Variants in TCF3 observed in about 807,000 individuals in gnomAD.
TCF3 encodes transcription factor 3.
A neutral mutation model predicts 72.3 loss-of-function variants in TCF3; 54 were observed. The observed-to-expected ratio is 0.75, with a 90% confidence interval of 0.60 to 0.94. The LOEUF (loss-of-function observed/expected upper bound fraction) is 0.94. Ranked by LOEUF, TCF3 falls within the 40% of genes least tolerant of loss-of-function variation. The pLI, the probability that TCF3 is intolerant of heterozygous loss-of-function variation, is 0.00. For missense variants in TCF3, 1,078 were observed against 934.4 expected, an observed-to-expected ratio of 1.15 and a Z score of -2.00; for synonymous variants, 525 against 412.6, an observed-to-expected ratio of 1.27 and a Z score of -3.30.
intron 16 of TCF3, among the ~76,000 whole-genome samples, chr19:1,618,323 C>T (rs1038126804): frequency 7.9e-5 from 12 of 152,110 alleles, no homozygotes; most frequent in African/African-American, 2.7e-4. Context: ...AGCCCTGTGG[C>T]CTCTGCCTTG....
intron 4 of TCF3, 102 bp from the exon 5 acceptor site, chr19:1,632,218 A>C: frequency 6.5e-7 from 1 of 1,548,840 alleles, no homozygotes; most frequent in Non-Finnish European, 8.7e-7. Flanking sequence ...CATGTCCCCC[A>C]GTCCAAACCC....
chr19:1,619,874 G>T, intron 13 of TCF3, 21 bp from the exon 14 acceptor site: 1 of 1,562,618 alleles, frequency 6.4e-7, no homozygotes. Context: ...GTGGGGACGT[G>T]AATGGGGTGC....
At position 1,652,489 on chromosome 19, in the gene TCF3, C is replaced by G. The variant is rs1324154674; in HGVS notation, c.-229G>C. 31 of 144,246 alleles carry G rather than the reference C, an allele frequency of 2.1e-4. No homozygotes were observed. The highest frequency in any genetic ancestry group is 2.1e-3 in the Admixed American group (31 of 14,652). The allele number at this position is 144,246 out of a possible 1,614,324, so 8.9% of individuals were successfully genotyped here. On this transcript the variant is annotated 5_prime_UTR_variant, in exon 1 of 19. Transcript: ENST00000262965. Reference sequence around the variant, plus strand: ...GTCCCGCGGGGCCCGTGCGCGCGGCCGGCCGGGGCGCCCCTGGGGCAGCGG... The same window carrying G: ...GTCCCGCGGGGCCCGTGCGCGCGGCGGGCCGGGGCGCCCCTGGGGCAGCGG...
chr19:1,619,765 G>A lies in TCF3; in HGVS notation c.1167+15C>T, dbSNP rs377293503. ...CTGTCGGGGAAGGGTGGGGTGGGGCGGGGCAGGCACTCACCAGGCCGTGGA... is the reference window on the plus strand; with the variant it reads ...CTGTCGGGGAAGGGTGGGGTGGGGCAGGGCAGGCACTCACCAGGCCGTGGA... On this transcript the variant is annotated intron_variant, in intron 14 of 18. Transcript: ENST00000262965. 2.3e-4 allele frequency: 348 copies of A among 1,546,638 alleles called. 1 individual carries two copies. The African/African-American group carries it at 3.7e-3, about 17-fold the overall frequency.
intron 3 of TCF3, among the ~76,000 whole-genome samples, chr19:1,640,207 C>T (rs1228329520): frequency 3.3e-5 from 5 of 152,022 alleles, no homozygotes; most frequent in Middle Eastern, 3.4e-3. Flanking sequence ...ACTTTTGGCA[C>T]GGGTGGACAG....
In TCF3 at chr19:1,632,356, G is replaced by T. The variant is rs766095001; in HGVS notation, c.195C>A (p.Ser65Arg). 6.3e-7 allele frequency: 1 copy of T among 1,592,152 alleles called. No homozygotes were observed. The highest frequency in any genetic ancestry group is 2.3e-5 in the East Asian group (1 of 44,088). Residue 65 changes from serine (S) to arginine (R), a missense_variant, in exon 4 of 19, where the codon AGC becomes AGA. Ser to Arg is a moderately radical substitution (Grantham distance 110). Transcript: ENST00000262965. Reference protein sequence around the residue: ...SSGSWGSGDQSSSSFDPSRTF... With the variant: ...SSGSWGSGDQRSSSFDPSRTF... ...CCCGGCTGGGGTCAAAGGAGGAGCT[G>T]CTCTGGTCGCCGCTGCCCCAGGAGC...
rs748560717 is a variant in TCF3 at position 1,621,912 on chromosome 19, GAGA to G, written c.878_880del (p.Phe293del). 1.1e-5 allele frequency: 17 copies of G among 1,601,682 alleles called. No individual in the cohort carries two copies. Among genetic ancestry groups the G allele is most frequent in the African/African-American group, 2.7e-5 (2 of 74,754 alleles). On this transcript the variant is annotated inframe_deletion, in exon 11 of 19. Transcript: ENST00000262965. The stretch of plus-strand genomic sequence containing the variant: ...GCCGTACGTGGCTCCGGGGGCTGAG[GAGA>G]AGGAGGATGCAGATGGGAGCCCACC...
chr19:1,627,243 C>A, intron 6 of TCF3, 116 bp downstream of exon 6: 1 of 440,092 alleles, frequency 2.3e-6, no homozygotes. Context: ...CCTGGTTTCG[C>A]TATCAGGAAG....
At chr19:1,611,911 G>C (rs2061019469) in intron 18 of TCF3, 62 bp from the exon 19 acceptor site, 4 of 703,426 alleles carry the variant, frequency 5.7e-6, no homozygotes, top group African/African-American at 4.1e-5. Flanking sequence ...ATGTGAGGTG[G>C]GAGTGGGGGG....
At chr19:1,612,966 C>T (rs2061183781) in intron 18 of TCF3, among the ~76,000 whole-genome samples, 1 of 148,998 alleles carries the variant, frequency 6.7e-6, no homozygotes, top group Admixed American at 6.7e-5. Context: ...CTGGGCACAG[C>T]AATGTGGGTA....
intron 3 of TCF3, among the ~76,000 whole-genome samples, chr19:1,638,513 G>A (rs1014088475): frequency 3.3e-5 from 5 of 152,144 alleles, no homozygotes; most frequent in African/African-American, 1.2e-4. Context: ...TCGATCTCCT[G>A]ACCTCATGAT....
chr19:1,647,518 G>A lies in TCF3; in HGVS notation c.73-1091C>T, dbSNP rs140217020. ...TCCTGCAGAAGGGGAAACGGAGGCC[G>A]CATTCTCACCTGGCCCTGGAGAGGA... On this transcript the variant is annotated intron_variant, in intron 2 of 18. Coordinates refer to ENST00000262965, the MANE Select transcript of TCF3 (RefSeq NM_003200.5). 3.7e-3 allele frequency among the ~76,000 whole-genome samples: 564 copies of A among 152,300 alleles called. 3 individuals carry two copies. Among genetic ancestry groups the A allele is most frequent in the African/African-American group, 0.013 (530 of 41,560 alleles).
Position 1,615,961 on chromosome 19 carries a change from C to G in TCF3, c.1451-140G>C, listed in dbSNP as rs1378992052. 1 of 1,031,926 alleles carries G rather than the reference C, an allele frequency of 9.7e-7. No individual in the cohort carries two copies. Among genetic ancestry groups the G allele is most frequent in the Non-Finnish European group, 1.3e-6 (1 of 743,352 alleles). 63.9% of individuals were successfully genotyped at this position (1,031,926 alleles called of 1,614,324 possible). On this transcript the variant is annotated intron_variant, in intron 16 of 18. Coordinates refer to ENST00000262965, the MANE Select transcript of TCF3 (RefSeq NM_003200.5). The surrounding 1 kb of genome is among the most constrained non-coding windows in gnomAD (Gnocchi z 7.3). ...AAAAATAAAAACAAAAAACCAACAA[C>G]CAGAACTGGATCCCTACCTCACGCC...
At chr19:1,641,812 T>C (rs2065285244) in intron 3 of TCF3, among the ~76,000 whole-genome samples, 1 of 152,074 alleles carries the variant, frequency 6.6e-6, no homozygotes, top group Non-Finnish European at 1.5e-5. Context: ...AGGCTGGTCT[T>C]GAACTCCTGG....
chr19:1,619,302 C>T lies in TCF3; in HGVS notation c.1326+14G>A, dbSNP rs749788520. On this transcript the variant is annotated intron_variant, in intron 15 of 18. Coordinates refer to ENST00000262965, the MANE Select transcript of TCF3 (RefSeq NM_003200.5). ...CCCGCCCACTGCCCAGCTCCACCCT[C>T]GCCCAGCGCTCACCAGGCCTGCGTG... 1.1e-5 allele frequency: 18 copies of T among 1,567,420 alleles called. No individual in the cohort carries two copies. The highest frequency in any genetic ancestry group is 1.1e-4 in the Admixed American group (6 of 56,666).
Position 1,609,397 on chromosome 19 carries a change from G to A in TCF3, c.*2310C>T, listed in dbSNP as rs971993296. 9.7e-5 allele frequency: 20 copies of A among 206,600 alleles called. No individual in the cohort carries two copies. Among genetic ancestry groups the A allele is most frequent in the African/African-American group, 4.6e-4 (20 of 43,784 alleles). The allele number at this position is 206,600 out of a possible 1,614,324, so 12.8% of individuals were successfully genotyped here. ...TTTTAAAGTCCCAATCATCCAGCCA[G>A]CTGTGTTGACACGTATACAATTATT... On this transcript the variant is annotated 3_prime_UTR_variant, in exon 19 of 19. Coordinates refer to ENST00000262965, the MANE Select transcript of TCF3 (RefSeq NM_003200.5).
Position 1,615,698 on chromosome 19 carries a change from C to CG in TCF3, c.1573dup (p.Arg525ProfsTer31), listed in dbSNP as rs757261438. On this transcript the variant is annotated frameshift_variant, in exon 17 of 19. Transcript: ENST00000262965. LOFTEE classifies it high-confidence loss of function. The surrounding 1 kb of genome is among the most constrained non-coding windows in gnomAD (Gnocchi z 7.3). ...GGTGGGTTGGCACCTGGTCCGGGCC[C>CG]GGGGGGCCTTCAGCTCCTTCTTCTC... 1 of 1,613,184 alleles carries CG rather than the reference C, an allele frequency of 6.2e-7. No individual in the cohort carries two copies. Among genetic ancestry groups the CG allele is most frequent in the South Asian group, 1.1e-5 (1 of 91,004 alleles).
rs1159035943 is a variant in TCF3 at position 1,615,476 on chromosome 19, G to A, written c.1631C>T (p.Ala544Val). 2 of 1,611,552 alleles carry A rather than the reference G, an allele frequency of 1.2e-6. No homozygotes were observed. The highest frequency in any genetic ancestry group is 2.2e-5 in the East Asian group (1 of 44,892). Reference sequence around the variant, plus strand: ...CACCCGGCGCTCCTTCTCCCGCTCGGCCTTCTGCTCTGGGGGGAGAAGGTC... The same window carrying A: ...CACCCGGCGCTCCTTCTCCCGCTCGACCTTCTGCTCTGGGGGGAGAAGGTC... ...EDDLLPPEQK[A>V]EREKERRVAN... Residue 544 changes from alanine to valine, a missense_variant, in exon 18 of 19, where the codon GCC becomes GTC. Physicochemically the swap from Ala to Val is moderately conservative, Grantham distance 64. Transcript: ENST00000262965. This position sits in a 1 kb window ranked among gnomAD's most constrained non-coding sequence, Gnocchi z 7.3.
At chr19:1,630,199 G>A (rs1176192766) in intron 5 of TCF3, among the ~76,000 whole-genome samples, 2 of 152,186 alleles carry the variant, frequency 1.3e-5, no homozygotes, top group East Asian at 3.8e-4. Flanking sequence ...GAGGCTGGGA[G>A]GAAGGAACAG....
Sources: gnomAD v4.1 joint callset for allele counts (sites outside exome capture counted in the v4.1 genomes callset) on GRCh38, gnomAD v4.1.1 for gene constraint, Gnocchi (gnomAD v3.1) non-coding constraint, MANE v1.5 for transcripts, NCBI Gene and HGNC (gene_info 2026-07-23, HGNC 2026-07-21) for gene names.